FTO: variants seen among roughly 807,000 people sequenced by gnomAD.
FTO encodes alpha-ketoglutarate-dependent dioxygenase FTO.
Under a neutral mutation model 63.9 loss-of-function variants are expected in FTO, and 47 were observed. That is an observed-to-expected ratio of 0.74 (90% CI 0.58 to 0.94). The LOEUF (loss-of-function observed/expected upper bound fraction) is 0.94, where lower values mean the gene tolerates loss of function less well. FTO is among the 40% of genes least tolerant of loss of function. The pLI, the probability that FTO is intolerant of heterozygous loss-of-function variation, is 0.00. For missense variants in FTO, 562 were observed against 618.1 expected (o/e 0.91, Z 0.96); for synonymous variants, 207 against 224.4 (o/e 0.92, Z 0.69).
chr16:53,907,331 G>T (rs1236521481), intron 7 of FTO, among the ~76,000 whole-genome samples: 2 of 152,136 alleles, frequency 1.3e-5, no homozygotes, highest in African/African-American at 4.8e-5. Flanking sequence ...ATAATAAAGT[G>T]TTGGATATCT....
chr16:53,837,549 A>AT lies in FTO; in HGVS notation c.752-6600dup, dbSNP rs974645799. On this transcript the variant is annotated intron_variant, in intron 3 of 8. Transcript: ENST00000471389. ...CCCTTCAGACTTTTCTAAATTCTCC[A>AT]TTTTTTCAGACCATTCATTGCTCCG... is the stretch of plus-strand genomic sequence containing the variant. Among the ~76,000 whole-genome samples the AT allele has an allele frequency of 1.3e-5, 2 of 151,506 alleles. 1 individual carries two copies. Among genetic ancestry groups the AT allele is most frequent in the South Asian group, 4.2e-4 (2 of 4,804 alleles).
intron 7 of FTO, among the ~76,000 whole-genome samples, chr16:53,924,367 A>C (rs1472281756): frequency 1.3e-5 from 2 of 152,214 alleles, no homozygotes; most frequent in Non-Finnish European, 2.9e-5. Flanking sequence ...TCAATAGTAC[A>C]TGATGGAAAA....
At chr16:54,108,500 C>T (rs1457622469) in intron 8 of FTO, among the ~76,000 whole-genome samples, 1 of 152,100 alleles carries the variant, frequency 6.6e-6, no homozygotes, top group Non-Finnish European at 1.5e-5. Flanking sequence ...CTCCTGTATC[C>T]CCAGAGCTTC....
At chr16:54,005,654 T>C (rs1185695900) in intron 8 of FTO, among the ~76,000 whole-genome samples, 2 of 152,200 alleles carry the variant, frequency 1.3e-5, no homozygotes, top group African/African-American at 2.4e-5. Context: ...CATTCATTCA[T>C]TCATGATTCA....
At chr16:53,826,544 T>C in intron 3 of FTO, 53 bp downstream of exon 3, 1 of 1,572,426 alleles carries the variant, frequency 6.4e-7, no homozygotes. Context: ...ATGACCCGAG[T>C]TGTTTAGGCT....
intron 1 of FTO, among the ~76,000 whole-genome samples, chr16:53,713,744 A>G (rs2075830030): frequency 6.6e-6 from 1 of 152,150 alleles, no homozygotes. Context: ...AGAACACAAC[A>G]TAAGATCTAC....
chr16:54,121,908 C>A lies in FTO; in HGVS notation c.*9993C>A, dbSNP rs1164876282. 6.6e-6 allele frequency: 1 copy of A among 152,038 alleles called. No homozygotes were observed. Among genetic ancestry groups the A allele is most frequent in the African/African-American group, 2.4e-5 (1 of 41,408 alleles). 9.4% of individuals were successfully genotyped at this position (152,038 alleles called of 1,614,324 possible). On this transcript the variant is annotated 3_prime_UTR_variant, in exon 9 of 9. Transcript: ENST00000471389. ...CATAAATATATACGCCTCCTATGTACCCACAAAAATTAAAAATAAAAAAAT... is the reference window on the plus strand; with the variant it reads ...CATAAATATATACGCCTCCTATGTAACCACAAAAATTAAAAATAAAAAAAT...
At chr16:53,923,256 G>T (rs1344890228) in intron 7 of FTO, 1 of 152,202 alleles carries the variant, frequency 6.6e-6, no homozygotes, top group Non-Finnish European at 1.5e-5. Flanking sequence ...TGGTTGGAAA[G>T]CTCTGCTTCT....
At chr16:54,037,921 A>G (rs2084980617) in intron 8 of FTO, among the ~76,000 whole-genome samples, 1 of 152,236 alleles carries the variant, frequency 6.6e-6, no homozygotes, top group Non-Finnish European at 1.5e-5. Flanking sequence ...TCATTAAATT[A>G]TTTTAGCAGT....
rs1390484895 is a variant in FTO at position 54,089,115 on chromosome 16, G to A, written c.1365-22647G>A. On this transcript the variant is annotated intron_variant, in intron 8 of 8. Transcript: ENST00000471389. Reference sequence around the variant, plus strand: ...CATTCCTCTGGACAGGAATTGAGTAGGTGCTGAGATACTCACCAGTTAATT... The same window carrying A: ...CATTCCTCTGGACAGGAATTGAGTAAGTGCTGAGATACTCACCAGTTAATT... 2.6e-5 allele frequency among the ~76,000 whole-genome samples: 4 copies of A among 152,180 alleles called. No homozygotes were observed. The East Asian group carries it at 5.8e-4, about 22-fold the overall frequency.
At chr16:54,097,091 T>C (rs1291449321) in intron 8 of FTO, among the ~76,000 whole-genome samples, 1 of 152,200 alleles carries the variant, frequency 6.6e-6, no homozygotes, top group Non-Finnish European at 1.5e-5. Context: ...CATATGGACG[T>C]AAGCCATACT....
intron 1 of FTO, among the ~76,000 whole-genome samples, chr16:53,800,776 A>G (rs2078199295): frequency 1.3e-5 from 2 of 152,082 alleles, no homozygotes; most frequent in African/African-American, 4.8e-5. Context: ...TCTGATATCA[A>G]TATAGCCACT....
chr16:53,877,782 A>C (rs2151886427), intron 5 of FTO, among the ~76,000 whole-genome samples: 1 of 152,198 alleles, frequency 6.6e-6, no homozygotes, highest in South Asian at 2.1e-4. Flanking sequence ...TATTTACATA[A>C]AACAAAACAC....
At chr16:53,950,188 A>G (rs1267276651) in intron 8 of FTO, among the ~76,000 whole-genome samples, 2 of 147,822 alleles carry the variant, frequency 1.4e-5, no homozygotes, top group African/African-American at 5.0e-5. Flanking sequence ...AACTTAATCC[A>G]TGCTCACAGA....
At chr16:53,891,130 A>T (rs1035643964) in intron 7 of FTO, among the ~76,000 whole-genome samples, 2 of 151,948 alleles carry the variant, frequency 1.3e-5, no homozygotes, top group African/African-American at 2.4e-5. Context: ...AGCTGGGATA[A>T]CAGGGGCCCG....
At chr16:53,874,833 T>C (rs1246332252) in intron 5 of FTO, among the ~76,000 whole-genome samples, 4 of 152,232 alleles carry the variant, frequency 2.6e-5, no homozygotes. Context: ...TTCTCCCCTT[T>C]CTTCTCTTTT....
intron 4 of FTO, among the ~76,000 whole-genome samples, chr16:53,847,057 C>A (rs148476241): frequency 1.1e-3 from 161 of 152,216 alleles, no homozygotes; most frequent in African/African-American, 3.6e-3. Flanking sequence ...ATGAATAAAA[C>A]CAGATTTACT....
At chr16:53,911,715 ACTAAATACAGGCTAAC>A in intron 7 of FTO, among the ~76,000 whole-genome samples, 1 of 152,370 alleles carries the variant, frequency 6.6e-6, no homozygotes, top group South Asian at 2.1e-4. Flanking sequence ...CTGGTAGCTG[ACTAAATACAGGCTAAC>A]CTAAAGCCTT....
intron 7 of FTO, among the ~76,000 whole-genome samples, chr16:53,904,733 G>T (rs1045244141): frequency 1.3e-5 from 2 of 152,082 alleles, no homozygotes; most frequent in Non-Finnish European, 2.9e-5. Context: ...TTATGTTCCT[G>T]TTGGAATCTG....
Sources: gnomAD v4.1 joint callset for allele counts (sites outside exome capture counted in the v4.1 genomes callset) on GRCh38, gnomAD v4.1.1 for gene constraint, MANE v1.5 for transcripts, NCBI Gene and HGNC (gene_info 2026-07-23, HGNC 2026-07-21) for gene names.